ANKS1B: variants seen among roughly 807,000 people sequenced by gnomAD.
ANKS1B encodes ankyrin repeat and sterile alpha motif domain-containing protein 1B.
Under a neutral mutation model 148.3 loss-of-function variants are expected in ANKS1B, and 36 were observed. That is an observed-to-expected ratio of 0.24 (90% CI 0.19 to 0.32). ANKS1B has a LOEUF of 0.32. ANKS1B is among the 10% of genes least tolerant of loss of function. The pLI is 1.00. For synonymous variants in ANKS1B, 542 were observed against 560.8 expected, an observed-to-expected ratio of 0.97 and a Z score of 0.47; for missense variants, 1,157 against 1,542.6, an observed-to-expected ratio of 0.75 and a Z score of 4.19.
chr12:99,202,478 C>G (rs1296842363), intron 14 of ANKS1B, among the ~76,000 whole-genome samples: 1 of 152,164 alleles, frequency 6.6e-6, no homozygotes, highest in Non-Finnish European at 1.5e-5. Flanking sequence ...CATTTCAGTA[C>G]TTGGACGTCA....
At chr12:99,622,306 A>C (rs2098063188) in intron 9 of ANKS1B, among the ~76,000 whole-genome samples, 1 of 152,002 alleles carries the variant, frequency 6.6e-6, no homozygotes. Context: ...ATCTCAAATT[A>C]ACAATGTAAT....
At chr12:99,197,888 A>G (rs2081573031) in intron 14 of ANKS1B, among the ~76,000 whole-genome samples, 1 of 152,158 alleles carries the variant, frequency 6.6e-6, no homozygotes, top group Non-Finnish European at 1.5e-5. Context: ...TTCCAAGTCT[A>G]TGGTAATTTG....
intron 12 of ANKS1B, among the ~76,000 whole-genome samples, chr12:99,330,090 G>T (rs1283996325): frequency 6.6e-6 from 1 of 151,762 alleles, no homozygotes; most frequent in East Asian, 1.9e-4. Context: ...TAATTCTTCA[G>T]TTCACCTTAT....
chr12:99,186,906 G>A (rs1348835472), intron 14 of ANKS1B, among the ~76,000 whole-genome samples: 1 of 152,002 alleles, frequency 6.6e-6, no homozygotes, highest in African/African-American at 2.4e-5. Context: ...GGCTTCAGAA[G>A]GTGGGTAATA....
intron 1 of ANKS1B, among the ~76,000 whole-genome samples, chr12:99,871,222 G>T (rs1303670046): frequency 6.6e-6 from 1 of 152,014 alleles, no homozygotes; most frequent in Non-Finnish European, 1.5e-5. Context: ...ATGGTTGTAG[G>T]TGTGTGGCTT....
At chr12:99,418,359 AATT>A (rs1247025138) in intron 11 of ANKS1B, among the ~76,000 whole-genome samples, 2 of 152,182 alleles carry the variant, frequency 1.3e-5, no homozygotes, top group African/African-American at 2.4e-5. Flanking sequence ...ATTTATATCT[AATT>A]ATTATTTTTT....
chr12:99,580,307 C>A (rs983322636), intron 9 of ANKS1B, among the ~76,000 whole-genome samples: 2 of 151,996 alleles, frequency 1.3e-5, no homozygotes, highest in East Asian at 1.9e-4. Context: ...ACACAATTTA[C>A]CCATGTAACA....
intron 15 of ANKS1B, among the ~76,000 whole-genome samples, chr12:99,114,525 G>T (rs1473220901): frequency 6.6e-6 from 1 of 152,170 alleles, no homozygotes; most frequent in Admixed American, 6.5e-5. Flanking sequence ...GCGGAGGCTG[G>T]TGCATCACTT....
intron 10 of ANKS1B, among the ~76,000 whole-genome samples, chr12:99,478,062 G>T (rs1345580697): frequency 1.3e-5 from 2 of 152,110 alleles, no homozygotes; most frequent in Non-Finnish European, 2.9e-5. Context: ...GACACCAACT[G>T]ACTTGAAGAA....
chr12:99,263,844 A>T (rs974537995), intron 12 of ANKS1B, among the ~76,000 whole-genome samples: 2 of 152,198 alleles, frequency 1.3e-5, no homozygotes, highest in African/African-American at 2.4e-5. Flanking sequence ...GTGAAACGTG[A>T]GTCAACTAAA....
intron 1 of ANKS1B, among the ~76,000 whole-genome samples, chr12:99,982,193 GCTA>G (rs200382075): frequency 1.8e-4 from 28 of 151,752 alleles, no homozygotes; most frequent in Non-Finnish European, 3.2e-4. Flanking sequence ...TTGTTGTAGA[GCTA>G]CTACTACTAC....
Position 99,584,679 on chromosome 12 carries a change from T to C in ANKS1B, c.1272+70388A>G, listed in dbSNP as rs1032000895. On this transcript the variant is annotated intron_variant, in intron 9 of 26. Transcript: ENST00000683438. ...TATAAAGGAAAGAGGTCTAATTGAC[T>C]CACAGTTCCACAGGGGTGTGGAGGT... Among the ~76,000 whole-genome samples, 2 of 152,138 alleles carry C rather than the reference T, an allele frequency of 1.3e-5. 1 individual carries two copies. Among genetic ancestry groups the C allele is most frequent in the South Asian group, 4.1e-4 (2 of 4,822 alleles).
chr12:98,977,729 A>T (rs2099899687), intron 17 of ANKS1B, among the ~76,000 whole-genome samples: 1 of 152,212 alleles, frequency 6.6e-6, no homozygotes, highest in African/African-American at 2.4e-5. Flanking sequence ...AAAATAGGGA[A>T]TCAAAGTATA....
At chr12:99,488,280 T>A (rs989980517) in intron 10 of ANKS1B, among the ~76,000 whole-genome samples, 4 of 152,178 alleles carry the variant, frequency 2.6e-5, no homozygotes, top group African/African-American at 9.6e-5. Context: ...AAAAATTGCA[T>A]GCAATATAAT....
chr12:99,255,281 T>C (rs1196442139), intron 12 of ANKS1B, among the ~76,000 whole-genome samples: 3 of 152,126 alleles, frequency 2.0e-5, no homozygotes, highest in Non-Finnish European at 4.4e-5. Flanking sequence ...GGTACAAAAT[T>C]ATTCATTCTT....
chr12:99,885,402 G>A (rs998571917), intron 1 of ANKS1B, among the ~76,000 whole-genome samples: 1 of 148,690 alleles, frequency 6.7e-6, no homozygotes, highest in Non-Finnish European at 1.5e-5. Flanking sequence ...CCGGGTTCCT[G>A]CCATTCTCCT....
intron 17 of ANKS1B, among the ~76,000 whole-genome samples, chr12:98,923,426 T>C (rs984052888): frequency 2.3e-4 from 35 of 152,186 alleles, no homozygotes; most frequent in African/African-American, 8.2e-4. Context: ...AGGTCTTCAA[T>C]ACCAAAAGAT....
intron 16 of ANKS1B, among the ~76,000 whole-genome samples, chr12:99,071,373 A>G (rs113545994): frequency 2.0e-5 from 3 of 152,250 alleles, no homozygotes; most frequent in Non-Finnish European, 4.4e-5. Flanking sequence ...ACTTATTTCA[A>G]TTGTATGGTA....
At chr12:99,249,947 T>C (rs2074359218) in intron 12 of ANKS1B, among the ~76,000 whole-genome samples, 1 of 152,218 alleles carries the variant, frequency 6.6e-6, no homozygotes, top group Admixed American at 6.5e-5. Flanking sequence ...ATTATATTTT[T>C]CAGGTATGTT....
Sources: allele counts gnomAD v4.1 joint callset (sites outside exome capture counted in the v4.1 genomes callset), GRCh38; gene constraint gnomAD v4.1.1; transcripts MANE v1.5; gene names NCBI Gene and HGNC (gene_info 2026-07-23, HGNC 2026-07-21).